The following B3GALT1 variants were observed in gnomAD, a reference collection of about 807,000 sequenced individuals.
B3GALT1 encodes beta-1,3-galactosyltransferase 1.
A neutral mutation model predicts 23.2 loss-of-function variants in B3GALT1; 10 were observed. That is an observed-to-expected ratio of 0.43 (90% confidence interval 0.27 to 0.73). The LOEUF (loss-of-function observed/expected upper bound fraction) is 0.73. Among genes scored for constraint, B3GALT1 ranks in the 30% least tolerant of loss-of-function variants. B3GALT1 has a pLI of 0.21. For missense variants in B3GALT1, 299 were observed against 405.4 expected (o/e 0.74, Z 2.25); for synonymous variants, 156 against 141.5 (o/e 1.10, Z -0.73).
intron 2 of B3GALT1, among the ~76,000 whole-genome samples, chr2:167,553,258 G>T (rs942790808): frequency 2.6e-5 from 4 of 152,078 alleles, no homozygotes; most frequent in Non-Finnish European, 5.9e-5. Context: ...ATCGTGGTAG[G>T]CTTAAACATG....
At chr2:167,304,962 C>T (rs1696526843) in intron 1 of B3GALT1, among the ~76,000 whole-genome samples, 4 of 152,112 alleles carry the variant, frequency 2.6e-5, no homozygotes, top group Admixed American at 2.6e-4. Context: ...AGAGCAAATT[C>T]ACCCTTCCTC....
intron 3 of B3GALT1, among the ~76,000 whole-genome samples, chr2:167,675,413 T>C (rs1686407745): frequency 6.6e-6 from 1 of 152,152 alleles, no homozygotes; most frequent in African/African-American, 2.4e-5. Flanking sequence ...AAGAAATAAA[T>C]AGAGTGACCT....
In B3GALT1 at chr2:167,869,719, A is replaced by T; in HGVS notation, c.680A>T (p.Tyr227Phe). The change falls in exon 5 of 5, where the codon TAC becomes TTC. Residue 227 changes from tyrosine to phenylalanine, a missense_variant. By Grantham distance (22) the Tyr-to-Phe change is conservative. This residue lies in a region of B3GALT1 where 133 missense variants were observed against 204.8 expected (regional missense o/e 0.65). Coordinates refer to ENST00000392690, the MANE Select transcript of B3GALT1 (RefSeq NM_020981.4). The surrounding 1 kb of genome is among the most constrained non-coding windows in gnomAD (Gnocchi z 6.4). ...RSKWYMPRDL[Y>F]PDSNYPPFCS... ...AAGTGGTATATGCCCAGGGATTTGT[A>T]CCCAGACAGTAACTACCCACCTTTC... The T allele has an allele frequency of 6.2e-7, 1 of 1,614,130 alleles. No homozygotes were observed. The highest frequency in any genetic ancestry group is 1.1e-5 in the South Asian group (1 of 91,076).
At chr2:167,338,668 C>T (rs1697098918) in intron 1 of B3GALT1, among the ~76,000 whole-genome samples, 1 of 151,782 alleles carries the variant, frequency 6.6e-6, no homozygotes, top group Non-Finnish European at 1.5e-5. Context: ...ATTTATGACT[C>T]CTAGAAGAAA....
At chr2:167,855,656 T>C (rs1248762155) in intron 4 of B3GALT1, among the ~76,000 whole-genome samples, 1 of 152,198 alleles carries the variant, frequency 6.6e-6, no homozygotes, top group Non-Finnish European at 1.5e-5. Context: ...GGTACAGATA[T>C]AGAGAATGGC....
chr2:167,516,652 G>C (rs1196684341), intron 2 of B3GALT1, among the ~76,000 whole-genome samples: 1 of 151,990 alleles, frequency 6.6e-6, no homozygotes, highest in African/African-American at 2.4e-5. Context: ...TATAGGTTAA[G>C]ATGCTCAGAA....
rs73026047 is a variant in B3GALT1 at position 167,553,997 on chromosome 2, C to G, written c.-410+63720C>G. On this transcript the variant is annotated intron_variant, in intron 2 of 4. Coordinates refer to ENST00000392690, the MANE Select transcript of B3GALT1 (RefSeq NM_020981.4). Reference sequence around the variant, plus strand: ...CATCAAGCATTTCAACCGTACCTGACTAACCATGTTATGGATTTGCCTCCT... The same window carrying G: ...CATCAAGCATTTCAACCGTACCTGAGTAACCATGTTATGGATTTGCCTCCT... Among the ~76,000 whole-genome samples the G allele has an allele frequency of 5.5e-3, 832 of 152,280 alleles. 8 individuals are homozygous for G. Among genetic ancestry groups the G allele is most frequent in the African/African-American group, 0.019 (805 of 41,560 alleles).
At chr2:167,321,736 A>C (rs559577621) in intron 1 of B3GALT1, among the ~76,000 whole-genome samples, 1 of 152,140 alleles carries the variant, frequency 6.6e-6, no homozygotes, top group South Asian at 2.1e-4. Context: ...TTCTGTCTTA[A>C]TAACAAAACC....
chr2:167,656,162 T>G (rs953405145), intron 3 of B3GALT1, among the ~76,000 whole-genome samples: 5 of 152,110 alleles, frequency 3.3e-5, no homozygotes, highest in South Asian at 4.1e-4. Context: ...GTAGAGGCCT[T>G]CAAACTGAAA....
At position 167,823,253 on chromosome 2, in the gene B3GALT1, GGCTTATTTGT is replaced by G. The variant is rs1423823623; in HGVS notation, c.-230+4461_-230+4470del. Among the ~76,000 whole-genome samples the G allele has an allele frequency of 4.6e-5, 7 of 152,252 alleles. No homozygotes were observed. The East Asian group carries it at 1.4e-3, about 29-fold the overall frequency. The stretch of plus-strand genomic sequence containing the variant: ...ATTGTGTTAAGGCTTAGAAATTTAG[GGCTTATTTGT>G]TACAGCTGCTGGTGTGGACCTAACA... On this transcript the variant is annotated intron_variant, in intron 4 of 4. Coordinates refer to ENST00000392690, the MANE Select transcript of B3GALT1 (RefSeq NM_020981.4).
intron 2 of B3GALT1, among the ~76,000 whole-genome samples, chr2:167,519,192 G>T (rs1028832992): frequency 3.3e-5 from 5 of 152,028 alleles, no homozygotes; most frequent in Admixed American, 2.0e-4. Context: ...TGGACTCAGC[G>T]CATTTCTCCT....
intron 2 of B3GALT1, among the ~76,000 whole-genome samples, chr2:167,559,112 C>T (rs1412105293): frequency 6.6e-6 from 1 of 152,184 alleles, no homozygotes; most frequent in Non-Finnish European, 1.5e-5. Context: ...TGAGACAAAA[C>T]TTCCAGAGGA....
At chr2:167,469,606 C>G (rs889291375) in intron 1 of B3GALT1, among the ~76,000 whole-genome samples, 8 of 152,128 alleles carry the variant, frequency 5.3e-5, no homozygotes, top group African/African-American at 1.9e-4. Context: ...TCTTAAATCA[C>G]TAGTAATAGT....
intron 1 of B3GALT1, among the ~76,000 whole-genome samples, chr2:167,431,652 A>G (rs993813326): frequency 6.6e-6 from 1 of 152,176 alleles, no homozygotes; most frequent in East Asian, 1.9e-4. Context: ...TCCACATTCT[A>G]TTTACTGTGA....
chr2:167,833,878 C>T (rs1370448257), intron 4 of B3GALT1, among the ~76,000 whole-genome samples: 1 of 152,132 alleles, frequency 6.6e-6, no homozygotes, highest in African/African-American at 2.4e-5. Context: ...ATCTAAGGTA[C>T]TGTTTACACC....
At chr2:167,790,242 A>G (rs887294861) in intron 3 of B3GALT1, among the ~76,000 whole-genome samples, 14 of 152,122 alleles carry the variant, frequency 9.2e-5, no homozygotes, top group African/African-American at 3.4e-4. Flanking sequence ...CCAGTGAGTC[A>G]GACTCACCTT....
intron 1 of B3GALT1, among the ~76,000 whole-genome samples, chr2:167,383,193 C>CT (rs75009286): frequency 1.3e-3 from 180 of 134,788 alleles, no homozygotes; most frequent in Middle Eastern, 4.0e-3. Flanking sequence ...TGTGCAGTGC[C>CT]TTTTTTTTTT....
chr2:167,691,609 T>C (rs1460238644), intron 3 of B3GALT1, among the ~76,000 whole-genome samples: 3 of 152,176 alleles, frequency 2.0e-5, no homozygotes, highest in South Asian at 2.1e-4. Flanking sequence ...GTCTGCTTTG[T>C]TCTCTGCTGT....
chr2:167,438,711 A>G (rs1698828139), intron 1 of B3GALT1, among the ~76,000 whole-genome samples: 1 of 152,172 alleles, frequency 6.6e-6, no homozygotes, highest in South Asian at 2.1e-4. Flanking sequence ...GACTGAGGAG[A>G]GAAATAATTA....
Sources: allele counts gnomAD v4.1 joint callset (sites outside exome capture counted in the v4.1 genomes callset), GRCh38; gene constraint gnomAD v4.1.1; regional missense constraint gnomAD v4.1.1; non-coding constraint Gnocchi (gnomAD v3.1); transcripts MANE v1.5; gene names NCBI Gene and HGNC (gene_info 2026-07-23, HGNC 2026-07-21).